The following ADAMTSL1 variants were observed in gnomAD, a reference collection of about 807,000 sequenced individuals.
ADAMTSL1 encodes ADAMTS-like protein 1.
Under a neutral mutation model 201.8 loss-of-function variants are expected in ADAMTSL1, and 126 were observed. That is an observed-to-expected ratio of 0.62 (90% CI 0.54 to 0.72). The LOEUF (loss-of-function observed/expected upper bound fraction) is 0.72. Among genes scored for constraint, ADAMTSL1 ranks in the 30% least tolerant of loss-of-function variants. The pLI, the probability that ADAMTSL1 is intolerant of heterozygous loss-of-function variation, is 0.00. For missense variants in ADAMTSL1, 2,679 were observed against 2,277.8 expected (o/e 1.18, Z -3.59); for synonymous variants, 1,121 against 903.4 (o/e 1.24, Z -4.32).
chr9:18,385,975 T>C (rs1359284785), intron 2 of ADAMTSL1, among the ~76,000 whole-genome samples: 3 of 152,200 alleles, frequency 2.0e-5, no homozygotes, highest in Non-Finnish European at 4.4e-5. Flanking sequence ...CAGATGATAG[T>C]AATAATTTTA....
intron 23 of ADAMTSL1, among the ~76,000 whole-genome samples, chr9:18,838,006 A>G (rs970485247): frequency 1.2e-4 from 19 of 152,092 alleles, no homozygotes; most frequent in Admixed American, 1.2e-3. Context: ...AAGATGCACT[A>G]TATTAGCCTG....
intron 13 of ADAMTSL1, among the ~76,000 whole-genome samples, chr9:18,702,015 T>G (rs1339150299): frequency 6.6e-6 from 1 of 152,110 alleles, no homozygotes; most frequent in Non-Finnish European, 1.5e-5. Flanking sequence ...ACAATCATGG[T>G]GGAAGGCAAG....
At chr9:18,324,952 T>A (rs1374405576) in intron 2 of ADAMTSL1, among the ~76,000 whole-genome samples, 3 of 152,062 alleles carry the variant, frequency 2.0e-5, no homozygotes, top group Non-Finnish European at 4.4e-5. Flanking sequence ...CTTAAACACT[T>A]CACAGCGAAA....
intron 15 of ADAMTSL1, among the ~76,000 whole-genome samples, chr9:18,726,686 G>A (rs959864479): frequency 2.0e-5 from 3 of 152,194 alleles, no homozygotes; most frequent in African/African-American, 7.2e-5. Context: ...GTAAACGTAT[G>A]TGGAGGAGGA....
chr9:18,687,973 C>T (rs896454886), intron 13 of ADAMTSL1, among the ~76,000 whole-genome samples: 3 of 151,982 alleles, frequency 2.0e-5, no homozygotes, highest in Admixed American at 6.6e-5. Flanking sequence ...TAGATAGATT[C>T]ATTATATAAA....
intron 1 of ADAMTSL1, among the ~76,000 whole-genome samples, chr9:18,011,007 T>A (rs934950358): frequency 6.6e-6 from 1 of 151,972 alleles, no homozygotes; most frequent in Non-Finnish European, 1.5e-5. Context: ...CTGAAAGACA[T>A]GGCCCATGTG....
intron 21 of ADAMTSL1, among the ~76,000 whole-genome samples, chr9:18,819,756 A>T (rs1824093357): frequency 6.6e-6 from 1 of 152,222 alleles, no homozygotes; most frequent in African/African-American, 2.4e-5. Flanking sequence ...CTGATTAACT[A>T]AAATAATTAT....
chr9:18,668,140 A>G (rs746404720), intron 9 of ADAMTSL1, among the ~76,000 whole-genome samples: 1 of 152,224 alleles, frequency 6.6e-6, no homozygotes, highest in East Asian at 1.9e-4. Flanking sequence ...TTACTACAGT[A>G]AGTAAATGAT....
At chr9:18,051,879 A>G (rs908411696) in intron 1 of ADAMTSL1, among the ~76,000 whole-genome samples, 10 of 152,098 alleles carry the variant, frequency 6.6e-5, no homozygotes, top group African/African-American at 2.4e-4. Context: ...CTGTAAGGTG[A>G]TTTTACTTTG....
intron 1 of ADAMTSL1, among the ~76,000 whole-genome samples, chr9:18,080,049 C>A (rs1211323353): frequency 6.6e-6 from 1 of 152,028 alleles, no homozygotes; most frequent in Non-Finnish European, 1.5e-5. Flanking sequence ...TGACAAGGGT[C>A]CAAGTGTTAC....
chr9:18,285,175 T>A (rs536864797), intron 2 of ADAMTSL1, among the ~76,000 whole-genome samples: 3 of 152,182 alleles, frequency 2.0e-5, no homozygotes, highest in Non-Finnish European at 2.9e-5. Context: ...AAAGGCAGTA[T>A]ATAAAAGTGT....
intron 13 of ADAMTSL1, among the ~76,000 whole-genome samples, chr9:18,701,512 G>A (rs1438919242): frequency 1.3e-5 from 2 of 152,120 alleles, no homozygotes; most frequent in Non-Finnish European, 2.9e-5. Flanking sequence ...GAGCCACTGT[G>A]CCCGATTTTA....
chr9:18,511,138 G>T (rs912831232), intron 2 of ADAMTSL1, among the ~76,000 whole-genome samples: 1 of 152,118 alleles, frequency 6.6e-6, no homozygotes, highest in Non-Finnish European at 1.5e-5. Context: ...GAGTTAGATA[G>T]CTGGCTGCTC....
chr9:18,111,555 C>G lies in ADAMTSL1; in HGVS notation c.88-52307C>G, dbSNP rs1587075172. On this transcript the variant is annotated intron_variant, in intron 1 of 29. Transcript: ENST00000680146. ...AAAAAGAAAGCTGTGCAAAACCTATCATCATCATTGTCAATAAATATTTAC... is the reference window on the plus strand; with the variant it reads ...AAAAAGAAAGCTGTGCAAAACCTATGATCATCATTGTCAATAAATATTTAC... Among the ~76,000 whole-genome samples, 3 of 152,120 alleles carry G rather than the reference C, an allele frequency of 2.0e-5. 1 individual carries two copies. Among genetic ancestry groups the G allele is most frequent in the South Asian group, 4.1e-4 (2 of 4,828 alleles).
intron 13 of ADAMTSL1, among the ~76,000 whole-genome samples, chr9:18,699,036 C>G (rs1166630224): frequency 1.3e-5 from 2 of 152,340 alleles, no homozygotes; most frequent in South Asian, 4.1e-4. Flanking sequence ...CCAGTAGTCT[C>G]TGGATGAATT....
intron 1 of ADAMTSL1, among the ~76,000 whole-genome samples, chr9:18,497,435 T>C (rs1419171938): frequency 6.6e-6 from 1 of 152,156 alleles, no homozygotes; most frequent in African/African-American, 2.4e-5. Flanking sequence ...TTAAAGAAGA[T>C]TATTATCACA....
At chr9:18,550,504 C>A (rs1820734011) in intron 3 of ADAMTSL1, among the ~76,000 whole-genome samples, 1 of 151,920 alleles carries the variant, frequency 6.6e-6, no homozygotes. Context: ...ATGGTCACCC[C>A]CAACTGATGC....
chr9:18,049,519 A>G (rs1821825708), intron 1 of ADAMTSL1, among the ~76,000 whole-genome samples: 1 of 151,916 alleles, frequency 6.6e-6, no homozygotes, highest in African/African-American at 2.4e-5. Flanking sequence ...CCATGTGAGG[A>G]TTTTGACCGA....
intron 2 of ADAMTSL1, among the ~76,000 whole-genome samples, chr9:18,229,972 C>T (rs1476681234): frequency 6.6e-6 from 1 of 152,170 alleles, no homozygotes; most frequent in African/African-American, 2.4e-5. Flanking sequence ...GCTAGGATTA[C>T]AGGTGTGTGC....
Sources: allele counts gnomAD v4.1 joint callset (sites outside exome capture counted in the v4.1 genomes callset), GRCh38; gene constraint gnomAD v4.1.1; transcripts MANE v1.5; gene names NCBI Gene and HGNC (gene_info 2026-07-23, HGNC 2026-07-21).